The following GNS variants were observed in gnomAD, a reference collection of about 807,000 sequenced individuals.
The protein encoded by GNS is glucosamine (N-acetyl)-6-sulfatase.
GNS carries 40 observed loss-of-function variants against 69.7 expected under a neutral mutation model. The observed-to-expected ratio is 0.57, with a 90% CI of 0.45 to 0.75. The LOEUF (loss-of-function observed/expected upper bound fraction) is 0.75. Among genes scored for constraint, GNS ranks in the 30% least tolerant of loss-of-function variants. The pLI is 0.00. For missense variants in GNS, 565 were observed against 685.5 expected (o/e 0.82, Z 1.96); for synonymous variants, 243 against 251.6 (o/e 0.97, Z 0.32).
In GNS at chr12:64,743,298, G is replaced by A. The variant is rs1376910933; in HGVS notation, c.635C>T (p.Ser212Phe). 2.5e-6 allele frequency: 4 copies of A among 1,611,082 alleles called. No homozygotes were observed. The highest frequency in any genetic ancestry group is 3.4e-6 in the Non-Finnish European group (4 of 1,177,480). The part of the protein sequence containing the change: ...DYLTDVLANV[S>F]LDFLDYKSNF... Reference sequence around the variant, plus strand: ...GGACTTGTAGTCCAGAAAGTCCAAGGAGACATTAGCCTGACACATAAAAAG... The same window carrying A: ...GGACTTGTAGTCCAGAAAGTCCAAGAAGACATTAGCCTGACACATAAAAAG... The change falls in exon 6 of 14, where the codon TCC becomes TTC. Residue 212 changes from serine to phenylalanine, a missense_variant. This residue lies in a region of GNS where 384 missense variants were observed against 511.0 expected (regional missense o/e 0.75). Transcript: ENST00000258145.
intron 9 of GNS, among the ~76,000 whole-genome samples, chr12:64,732,056 G>A (rs574517834): frequency 2.6e-5 from 4 of 151,742 alleles, no homozygotes; most frequent in East Asian, 3.9e-4. Context: ...GTGCGATCTC[G>A]GCTCACTGCA....
At chr12:64,743,111 T>C (rs1330678611) in intron 6 of GNS, 30 bp downstream of exon 6, 6 of 1,538,500 alleles carry the variant, frequency 3.9e-6, no homozygotes, top group South Asian at 3.4e-5. Context: ...ATACTTAGTA[T>C]GGCTGAATAC....
chr12:64,722,956 C>A (rs1869078875), intron 11 of GNS, 50 bp downstream of exon 11: 2 of 1,079,564 alleles, frequency 1.9e-6, no homozygotes, highest in East Asian at 4.7e-5. Flanking sequence ...CAGCACCTTG[C>A]CATGTTGTCA....
chr12:64,720,263 A>C, intron 12 of GNS, 81 bp from the exon 13 acceptor site: 1 of 942,066 alleles, frequency 1.1e-6, no homozygotes, highest in African/African-American at 1.6e-5. Context: ...CTTATTTCTA[A>C]AGGGGAAGGG....
At chr12:64,736,741 A>G (rs1869567313) in intron 9 of GNS, among the ~76,000 whole-genome samples, 2 of 152,226 alleles carry the variant, frequency 1.3e-5, no homozygotes, top group Admixed American at 1.3e-4. Flanking sequence ...ACTGCTCCAG[A>G]ACAAAGTAAA....
intron 6 of GNS, among the ~76,000 whole-genome samples, chr12:64,741,125 T>C (rs1869719935): frequency 5.7e-5 from 1 of 17,478 alleles, no homozygotes; most frequent in Non-Finnish European, 8.6e-5. Flanking sequence ...GAGAATGGCG[T>C]GAACCCGGGA....
intron 8 of GNS, 46 bp downstream of exon 8, chr12:64,739,335 A>C: frequency 1.1e-6 from 1 of 947,490 alleles, no homozygotes; most frequent in Non-Finnish European, 1.8e-6. Flanking sequence ...GAAAAAGGAA[A>C]GACATATTCT....
rs568300469 is a variant in GNS, at chr12:64,728,225, C to T, written c.1200+731G>A. On this transcript the variant is annotated intron_variant, in intron 10 of 13. Transcript: ENST00000258145. ...ACAGGCGTAAGCCACCGCGCCTGGC[C>T]GACACTTTAAATGAGTGAATTGTAT... Among the ~76,000 whole-genome samples the T allele has an allele frequency of 4.9e-4, 74 of 152,208 alleles. 2 individuals are homozygous for T. The South Asian group carries it at 0.01, about 21-fold the overall frequency.
chr12:64,722,379 TA>T (rs1295520835), intron 11 of GNS, among the ~76,000 whole-genome samples: 10 of 152,206 alleles, frequency 6.6e-5, no homozygotes, highest in Admixed American at 1.3e-4. Context: ...AGGAGAAGGC[TA>T]AAATGAGTTT....
intron 6 of GNS, among the ~76,000 whole-genome samples, chr12:64,742,066 G>A (rs1372472462): frequency 6.6e-6 from 1 of 151,846 alleles, no homozygotes; most frequent in Non-Finnish European, 1.5e-5. Flanking sequence ...TGTTTCCCAG[G>A]CTGGAGTGCA....
intron 9 of GNS, among the ~76,000 whole-genome samples, chr12:64,734,654 G>C (rs1869507420): frequency 6.6e-6 from 1 of 152,160 alleles, no homozygotes; most frequent in African/African-American, 2.4e-5. Flanking sequence ...CTGGGCCTTC[G>C]CATTTACCGT....
intron 13 of GNS, among the ~76,000 whole-genome samples, chr12:64,719,301 A>T (rs1473265052): frequency 6.6e-6 from 1 of 152,196 alleles, no homozygotes; most frequent in Non-Finnish European, 1.5e-5. Context: ...TACAGTCTGA[A>T]GGTAGGAACT....
intron 7 of GNS, among the ~76,000 whole-genome samples, chr12:64,739,835 G>A (rs1437553072): frequency 1.3e-5 from 2 of 152,222 alleles, no homozygotes; most frequent in Non-Finnish European, 2.9e-5. Context: ...ATAGTGATGA[G>A]AGTAGAGACA....
intron 1 of GNS, among the ~76,000 whole-genome samples, chr12:64,754,890 C>CAAA (rs202239574): frequency 8.0e-6 from 1 of 124,258 alleles, no homozygotes; most frequent in Non-Finnish European, 1.7e-5. Flanking sequence ...AACTTGTCTC[C>CAAA]AAAAAAAAAA....
intron 2 of GNS, among the ~76,000 whole-genome samples, chr12:64,749,339 G>A (rs561760620): frequency 4.6e-4 from 61 of 132,178 alleles, no homozygotes; most frequent in South Asian, 1.0e-3. Context: ...TGCAAGCTCC[G>A]CCTCCTGGGT....
intron 6 of GNS, among the ~76,000 whole-genome samples, chr12:64,741,083 TGTAG>T (rs1453232567): frequency 0.67 from 90,313 of 135,630 alleles, 32,381 homozygotes; most frequent in African/African-American, 0.88. Flanking sequence ...GGCGGGCGCC[TGTAG>T]TCCCAGCTAC....
Position 64,721,717 on chromosome 12 carries a change from T to C in GNS, c.1309-12A>G, listed in dbSNP as rs376318831. 9.2e-5 allele frequency: 118 copies of C among 1,286,548 alleles called. No individual in the cohort carries two copies. Among genetic ancestry groups the C allele is most frequent in the Non-Finnish European group, 1.3e-4 (114 of 880,876 alleles). 79.7% of individuals were successfully genotyped at this position (1,286,548 alleles called of 1,614,324 possible). On this transcript the variant is annotated splice_polypyrimidine_tract_variant and intron_variant, in intron 11 of 13. Coordinates refer to ENST00000258145, the MANE Select transcript of GNS (RefSeq NM_002076.4). ...TCTGGGAAGCATTGCTGTAGGGATATTTCAAAAGTTAAATGAAGACAGTTC... is the reference window on the plus strand; with the variant it reads ...TCTGGGAAGCATTGCTGTAGGGATACTTCAAAAGTTAAATGAAGACAGTTC...
chr12:64,724,366 A>G (rs756350923), intron 10 of GNS, among the ~76,000 whole-genome samples: 1 of 152,222 alleles, frequency 6.6e-6, no homozygotes, highest in Non-Finnish European at 1.5e-5. Context: ...TTTGAGAATC[A>G]CTGCTCTAAA....
intron 6 of GNS, among the ~76,000 whole-genome samples, chr12:64,741,379 G>A (rs980997250): frequency 4.0e-5 from 6 of 150,404 alleles, no homozygotes; most frequent in South Asian, 2.2e-4. Flanking sequence ...TGTGCCTCCC[G>A]GGTTCATGCG....
Sources: gnomAD v4.1 joint callset for allele counts (sites outside exome capture counted in the v4.1 genomes callset) on GRCh38, gnomAD v4.1.1 for gene constraint, gnomAD v4.1.1 regional missense constraint, MANE v1.5 for transcripts, NCBI Gene and HGNC (gene_info 2026-07-23, HGNC 2026-07-21) for gene names.